The following PRELID2 variants were observed in gnomAD, a reference collection of about 807,000 sequenced individuals.
PRELID2 encodes PRELI domain containing 2.
Under a neutral mutation model 28.4 loss-of-function variants are expected in PRELID2, and 25 were observed. The observed-to-expected ratio is 0.88, with a 90% CI of 0.64 to 1.23. The LOEUF is 1.23. PRELID2 is among the 50% of genes most tolerant of loss of function. The pLI, the probability that PRELID2 is intolerant of heterozygous loss-of-function variation, is 0.00. For synonymous variants in PRELID2, 76 were observed against 71.6 expected, an observed-to-expected ratio of 1.06 and a Z score of -0.31; for missense variants, 201 against 214.4, an observed-to-expected ratio of 0.94 and a Z score of 0.39.
the PRELID2 span, among the ~76,000 whole-genome samples, chr5:145,262,063 C>T: frequency 2.0e-5 from 3 of 152,174 alleles, no homozygotes; most frequent in Admixed American, 2.0e-4. Flanking sequence ...TGGAAAGTCT[C>T]AGCAATAGAA....
At chr5:145,447,386 T>C in the PRELID2 span, among the ~76,000 whole-genome samples, 1 of 151,938 alleles carries the variant, frequency 6.6e-6, no homozygotes, top group Non-Finnish European at 1.5e-5. Flanking sequence ...AGAGAGAAAC[T>C]GATTATAATT....
intron 1 of PRELID2, among the ~76,000 whole-genome samples, chr5:145,549,468 G>A (rs1323129791): frequency 6.6e-6 from 1 of 152,122 alleles, no homozygotes; most frequent in Non-Finnish European, 1.5e-5. Flanking sequence ...AATTTATTCA[G>A]TGAATGCTAT....
the PRELID2 span, among the ~76,000 whole-genome samples, chr5:145,419,321 G>A: frequency 4.7e-5 from 6 of 128,956 alleles, no homozygotes; most frequent in Admixed American, 2.5e-4. Flanking sequence ...TTCCACAAGG[G>A]TTGAACTAGT....
intron 1 of PRELID2, among the ~76,000 whole-genome samples, chr5:145,525,868 A>G (rs1303293458): frequency 2.0e-5 from 3 of 152,210 alleles, no homozygotes; most frequent in Non-Finnish European, 4.4e-5. Context: ...CCAAACAATG[A>G]AGGCCAAACT....
At chr5:145,307,361 G>C in the PRELID2 span, among the ~76,000 whole-genome samples, 1 of 152,168 alleles carries the variant, frequency 6.6e-6, no homozygotes, top group East Asian at 1.9e-4. Context: ...AAGCAGCTAA[G>C]ATCTAGGGTT....
At chr5:145,733,691 T>A (rs950000758) in intron 1 of PRELID2, among the ~76,000 whole-genome samples, 6 of 152,172 alleles carry the variant, frequency 3.9e-5, no homozygotes, top group Non-Finnish European at 8.8e-5. Context: ...CAATTTAACT[T>A]AATGAGTCTT....
chr5:145,528,706 CACACACACACACACACACACAG>C (rs1231756529), intron 1 of PRELID2, among the ~76,000 whole-genome samples: 4 of 123,252 alleles, frequency 3.2e-5, no homozygotes, highest in East Asian at 3.7e-4. Context: ...CACACACACA[CACACACACACACACACACACAG>C]AGAGAGAGAG....
intron 1 of PRELID2, among the ~76,000 whole-genome samples, chr5:145,603,380 TAAC>T: frequency 6.6e-6 from 1 of 152,056 alleles, no homozygotes; most frequent in African/African-American, 2.4e-5. Flanking sequence ...GGCTAACGGC[TAAC>T]TTCTCAGCAG....
chr5:145,773,377 G>T (rs79403587), intron 5 of PRELID2, among the ~76,000 whole-genome samples: 1 of 152,006 alleles, frequency 6.6e-6, no homozygotes, highest in African/African-American at 2.4e-5. Flanking sequence ...AGTTACTTCC[G>T]CCACCTTCCA....
At chr5:145,631,269 T>G (rs1033279217) in intron 1 of PRELID2, among the ~76,000 whole-genome samples, 1 of 152,110 alleles carries the variant, frequency 6.6e-6, no homozygotes, top group African/African-American at 2.4e-5. Context: ...TGGAAGACCT[T>G]ATTAGGTGCA....
the PRELID2 span, among the ~76,000 whole-genome samples, chr5:145,428,746 G>A: frequency 6.6e-6 from 1 of 152,212 alleles, no homozygotes; most frequent in Admixed American, 6.5e-5. Context: ...TAAATACAGA[G>A]GTGTAGAAAG....
the PRELID2 span, among the ~76,000 whole-genome samples, chr5:145,286,902 G>A: frequency 6.6e-6 from 1 of 151,972 alleles, no homozygotes; most frequent in Non-Finnish European, 1.5e-5. Flanking sequence ...GCAGAGATGA[G>A]TTTCACCATA....
downstream of PRELID2, among the ~76,000 whole-genome samples, chr5:145,469,369 A>G (rs1272334655): frequency 1.3e-5 from 2 of 152,160 alleles, no homozygotes; most frequent in Admixed American, 6.6e-5. Flanking sequence ...AGTAAAAAAC[A>G]GAAGGGTCCT....
At chr5:145,254,809 A>G in the PRELID2 span, among the ~76,000 whole-genome samples, 1 of 152,162 alleles carries the variant, frequency 6.6e-6, no homozygotes, top group Non-Finnish European at 1.5e-5. Context: ...AAGAGAAATG[A>G]GAAAGATTTA....
chr5:145,740,294 A>T (rs1255643874), intron 1 of PRELID2, among the ~76,000 whole-genome samples: 28 of 95,106 alleles, frequency 2.9e-4, no homozygotes, highest in African/African-American at 1.1e-3. Flanking sequence ...ATATATATAT[A>T]TATATATATA....
chr5:145,430,395 A>G, the PRELID2 span, among the ~76,000 whole-genome samples: 1 of 152,140 alleles, frequency 6.6e-6, no homozygotes, highest in East Asian at 1.9e-4. Flanking sequence ...ATTGCCGGGG[A>G]GTTCTGCTTC....
intron 1 of PRELID2, among the ~76,000 whole-genome samples, chr5:145,709,024 T>C (rs1370896697): frequency 6.6e-6 from 1 of 152,236 alleles, no homozygotes; most frequent in Non-Finnish European, 1.5e-5. Flanking sequence ...GTGAGAAAGC[T>C]GCTCCAGCCC....
chr5:145,295,553 C>A, the PRELID2 span, among the ~76,000 whole-genome samples: 4 of 152,094 alleles, frequency 2.6e-5, no homozygotes, highest in Non-Finnish European at 4.4e-5. Flanking sequence ...GAACACAAGG[C>A]AACTCCACAA....
chr5:145,581,645 A>G (rs1753108774), intron 1 of PRELID2, among the ~76,000 whole-genome samples: 1 of 152,042 alleles, frequency 6.6e-6, no homozygotes, highest in African/African-American at 2.4e-5. Context: ...TGCTTAGTCA[A>G]AAGGTGTATT....
Sources: allele counts gnomAD v4.1 joint callset (sites outside exome capture counted in the v4.1 genomes callset), GRCh38; gene constraint gnomAD v4.1.1; transcripts MANE v1.5; gene names NCBI Gene and HGNC (gene_info 2026-07-23, HGNC 2026-07-21).